The following MGAT4C variants were observed in gnomAD, a reference collection of about 807,000 sequenced individuals.
The protein encoded by MGAT4C is MGAT4 family member C, also known as alpha-1,3-mannosyl-glycoprotein 4-beta-N-acetylglucosaminyltransferase C.
In MGAT4C, 19 loss-of-function variants were observed where a neutral mutation model predicts 40.1. The ratio of observed to expected loss-of-function variants is 0.47; its 90% confidence interval spans 0.33 to 0.70. The LOEUF is 0.70. Among genes scored for constraint, MGAT4C ranks in the 30% least tolerant of loss-of-function variants. The pLI is 0.02. For missense variants in MGAT4C, 491 were observed against 563.2 expected, an observed-to-expected ratio of 0.87 and a Z score of 1.30; for synonymous variants, 181 against 187.1, an observed-to-expected ratio of 0.97 and a Z score of 0.27.
At chr12:86,419,495 A>ATG (rs1173253465) in intron 3 of MGAT4C, among the ~76,000 whole-genome samples, 1 of 152,000 alleles carries the variant, frequency 6.6e-6, no homozygotes, top group African/African-American at 2.4e-5. Flanking sequence ...CCAGTTTTGC[A>ATG]ACTCAGTGAG....
At chr12:86,410,971 A>T (rs1206673982) in intron 3 of MGAT4C, among the ~76,000 whole-genome samples, 7 of 152,076 alleles carry the variant, frequency 4.6e-5, no homozygotes, top group African/African-American at 1.7e-4. Flanking sequence ...GCCATGTAAG[A>T]TGTGTCAGCA....
chr12:86,351,749 C>T (rs531858062), intron 3 of MGAT4C, among the ~76,000 whole-genome samples: 35 of 152,102 alleles, frequency 2.3e-4, no homozygotes, highest in African/African-American at 8.4e-4. Flanking sequence ...TAAATTATTG[C>T]ATACCATCTT....
intron 1 of MGAT4C, among the ~76,000 whole-genome samples, chr12:86,194,542 C>A (rs1593200055): frequency 6.6e-6 from 1 of 151,912 alleles, no homozygotes; most frequent in Non-Finnish European, 1.5e-5. Context: ...GCTACCTCCA[C>A]CTCCCAGGTT....
chr12:86,450,140 C>T (rs977377847), intron 2 of MGAT4C, among the ~76,000 whole-genome samples: 3 of 152,010 alleles, frequency 2.0e-5, no homozygotes, highest in African/African-American at 4.8e-5. Context: ...CAACTTTTCT[C>T]GGCGGCAGTG....
chr12:86,407,703 T>A (rs1446715982), intron 3 of MGAT4C, among the ~76,000 whole-genome samples: 1 of 152,054 alleles, frequency 6.6e-6, no homozygotes, highest in African/African-American at 2.4e-5. Context: ...TTATTCTGTA[T>A]GAATTTGTGA....
At chr12:86,776,950 C>G (rs1951757650) in intron 1 of MGAT4C, among the ~76,000 whole-genome samples, 1 of 152,076 alleles carries the variant, frequency 6.6e-6, no homozygotes, top group South Asian at 2.1e-4. Flanking sequence ...TAAAAATCAT[C>G]TATTTGACTA....
At chr12:86,232,758 ATG>A (rs1352977263) in intron 1 of MGAT4C, among the ~76,000 whole-genome samples, 1 of 152,162 alleles carries the variant, frequency 6.6e-6, no homozygotes, top group African/African-American at 2.4e-5. Flanking sequence ...GTACATGTTA[ATG>A]TGTGTGTCAA....
chr12:86,609,750 T>A, intron 2 of MGAT4C, among the ~76,000 whole-genome samples: 1 of 150,292 alleles, frequency 6.7e-6, no homozygotes, highest in East Asian at 2.0e-4. Flanking sequence ...TTTTGAGAAA[T>A]ATGTACAGTT....
At chr12:86,333,646 G>C (rs1954722525) in intron 4 of MGAT4C, among the ~76,000 whole-genome samples, 1 of 152,060 alleles carries the variant, frequency 6.6e-6, no homozygotes, top group Admixed American at 6.6e-5. Context: ...GAAAATCCAA[G>C]AGAAAAACTG....
intron 3 of MGAT4C, among the ~76,000 whole-genome samples, chr12:86,415,521 T>C (rs1273871788): frequency 6.6e-6 from 1 of 152,000 alleles, no homozygotes; most frequent in Non-Finnish European, 1.5e-5. Context: ...CAGTCTGTAT[T>C]GTTAGGACTT....
rs541987654 is a variant in MGAT4C, at chr12:86,610,676, T to C, written c.-229+116533A>G. On this transcript the variant is annotated intron_variant, in intron 2 of 7. Coordinates refer to the MGAT4C transcript ENST00000548651. ...TATGTATACATGTGCCATGCTGGTG[T>C]GCTGCACCCATTAACTCGTCATTTA... is the stretch of plus-strand genomic sequence containing the variant. Among the ~76,000 whole-genome samples the C allele has an allele frequency of 1.6e-4, 24 of 151,958 alleles. No homozygotes were observed. In the South Asian group the frequency reaches 5.0e-3, roughly 32 times the overall value.
intron 2 of MGAT4C, among the ~76,000 whole-genome samples, chr12:86,654,207 C>A (rs538988492): frequency 3.0e-4 from 46 of 152,004 alleles, no homozygotes; most frequent in Non-Finnish European, 5.3e-4. Flanking sequence ...AAGGTATTGA[C>A]CTTTTGATTC....
intron 1 of MGAT4C, among the ~76,000 whole-genome samples, chr12:86,092,004 G>A (rs1872975096): frequency 6.6e-6 from 1 of 152,070 alleles, no homozygotes; most frequent in South Asian, 2.1e-4. Flanking sequence ...TCCATTCTCT[G>A]CAACAATAAC....
chr12:86,606,255 A>G (rs977586273), intron 2 of MGAT4C, among the ~76,000 whole-genome samples: 21 of 152,084 alleles, frequency 1.4e-4, no homozygotes, highest in African/African-American at 4.8e-4. Context: ...ATCAGCAACT[A>G]TATACTAAAT....
intron 1 of MGAT4C, among the ~76,000 whole-genome samples, chr12:86,185,820 A>G (rs1307855010): frequency 2.0e-5 from 3 of 152,170 alleles, no homozygotes. Context: ...TACAAAATGC[A>G]GAACCAAATC....
chr12:86,552,091 C>T (rs1443616194), intron 2 of MGAT4C, among the ~76,000 whole-genome samples: 1 of 142,412 alleles, frequency 7.0e-6, no homozygotes, highest in African/African-American at 2.6e-5. Context: ...CAGTAATAGA[C>T]CTCAATCATA....
rs201052353 is a variant in MGAT4C, at chr12:85,983,522, C to T, written c.295+1G>A. 1.8e-5 allele frequency: 28 copies of T among 1,545,006 alleles called. No individual in the cohort carries two copies. Among genetic ancestry groups the T allele is most frequent in the Admixed American group, 6.7e-5 (3 of 44,960 alleles). ...TTATTTAAATGTTTAAGGATACTTA[C>T]GCTTTCTTTGTAAAGGTGTGGCAGC... On this transcript the variant is annotated splice_donor_variant, in intron 4 of 4. Transcript: ENST00000611864. LOFTEE classifies it high-confidence loss of function.
intron 2 of MGAT4C, among the ~76,000 whole-genome samples, chr12:86,678,486 A>T (rs1283094026): frequency 6.6e-6 from 1 of 151,448 alleles, no homozygotes; most frequent in Non-Finnish European, 1.5e-5. Context: ...TGTGCAGGTT[A>T]GTTACATATG....
chr12:86,416,388 G>A (rs1182165876), intron 3 of MGAT4C, among the ~76,000 whole-genome samples: 1 of 152,076 alleles, frequency 6.6e-6, no homozygotes. Context: ...GACTTTTAGA[G>A]AGAATGCTGG....
Sources: gnomAD v4.1 joint callset for allele counts (sites outside exome capture counted in the v4.1 genomes callset) on GRCh38, gnomAD v4.1.1 for gene constraint, MANE v1.5 for transcripts, NCBI Gene and HGNC (gene_info 2026-07-23, HGNC 2026-07-21) for gene names.